Variants in HDAC9 observed in about 807,000 individuals in gnomAD.
The protein encoded by HDAC9 is MEF-2 interacting transcription repressor (MITR) protein.
HDAC9 carries 41 observed loss-of-function variants against 139.4 expected under a neutral mutation model. The observed-to-expected ratio is 0.29, with a 90% CI of 0.23 to 0.38. The LOEUF (loss-of-function observed/expected upper bound fraction) is 0.38. Ranked by LOEUF, HDAC9 falls within the 10% of genes least tolerant of loss-of-function variation. The pLI, the probability that HDAC9 is intolerant of heterozygous loss-of-function variation, is 1.00. For missense variants in HDAC9, 1,147 were observed against 1,297.0 expected (o/e 0.88, Z 1.78); for synonymous variants, 517 against 476.2 (o/e 1.09, Z -1.12).
rs373751114 is a variant in HDAC9 at position 18,465,849 on chromosome 7, T to C, written c.-41-30413T>C. Among the ~76,000 whole-genome samples, 6 of 152,224 alleles carry C rather than the reference T, an allele frequency of 3.9e-5. No homozygotes were observed. The East Asian group carries it at 1.2e-3, about 29-fold the overall frequency. ...TTATCCAGTGATGGACTCTCTTTCT[T>C]TTTCTAATGTGGAGATATATCTATT... On this transcript the variant is annotated intron_variant, in intron 1 of 3. Transcript: ENST00000413509.
intron 14 of HDAC9, among the ~76,000 whole-genome samples, chr7:18,761,411 A>G (rs562565436): frequency 3.9e-5 from 6 of 152,348 alleles, no homozygotes; most frequent in Non-Finnish European, 8.8e-5. Context: ...GTTTTTGTTT[A>G]ATTTCCAATC....
At chr7:18,375,875 C>G (rs1385272804) in intron 1 of HDAC9, among the ~76,000 whole-genome samples, 1 of 152,110 alleles carries the variant, frequency 6.6e-6, no homozygotes, top group East Asian at 1.9e-4. Flanking sequence ...GTCCCTAATG[C>G]TAATTCAGAT....
chr7:18,295,561 A>G (rs1798088922), intron 1 of HDAC9, among the ~76,000 whole-genome samples: 1 of 152,182 alleles, frequency 6.6e-6, no homozygotes, highest in East Asian at 1.9e-4. Flanking sequence ...TCTTACTTCT[A>G]TCTTTACATA....
intron 17 of HDAC9, among the ~76,000 whole-genome samples, chr7:18,805,089 G>A (rs183723527): frequency 2.0e-3 from 302 of 152,276 alleles, no homozygotes; most frequent in African/African-American, 6.5e-3. Context: ...GAGCCCCTGC[G>A]CCTGGCCCAG....
chr7:18,137,318 C>T (rs1314041287), intron 1 of HDAC9, among the ~76,000 whole-genome samples: 2 of 148,100 alleles, frequency 1.4e-5, no homozygotes, highest in Non-Finnish European at 3.0e-5. Context: ...CCTAATTGCC[C>T]TGGCCAGAAC....
rs1786251756 is a variant in HDAC9, at chr7:18,732,700, TGTATGTGTGCGTATGTGTACAC to T, written c.1909+4944_1909+4965del. ...GTGCGTATGTGTACACACACACACG[TGTATGTGTGCGTATGTGTACAC>T]ACACACACGTGTATGTGTGCGTATG... On this transcript the variant is annotated intron_variant, in intron 13 of 25. Coordinates refer to ENST00000686413, the MANE Select transcript of HDAC9 (RefSeq NM_178425.4). 3.0e-5 allele frequency among the ~76,000 whole-genome samples: 4 copies of T among 131,552 alleles called. 1 individual carries two copies. Among genetic ancestry groups the T allele is most frequent in the South Asian group, 2.3e-4 (1 of 4,256 alleles). 86.3% of individuals were successfully genotyped at this position (131,552 alleles called of 152,430 possible).
chr7:18,797,685 C>T (rs534911805), intron 17 of HDAC9, among the ~76,000 whole-genome samples: 2 of 152,032 alleles, frequency 1.3e-5, no homozygotes, highest in East Asian at 3.9e-4. Flanking sequence ...AAAAATTAGC[C>T]AGGTGTGTTG....
intron 25 of HDAC9, among the ~76,000 whole-genome samples, chr7:18,987,612 C>G (rs967036225): frequency 2.0e-5 from 3 of 152,234 alleles, no homozygotes; most frequent in Non-Finnish European, 4.4e-5. Context: ...CCCTCTTTTT[C>G]TATTGATTGG....
At chr7:18,675,806 G>A (rs1781466561) in intron 12 of HDAC9, among the ~76,000 whole-genome samples, 1 of 151,956 alleles carries the variant, frequency 6.6e-6, no homozygotes, top group African/African-American at 2.4e-5. Context: ...GACTTACAGG[G>A]AAGTTCTCAG....
chr7:18,518,287 A>G (rs947874513), intron 2 of HDAC9, among the ~76,000 whole-genome samples: 3 of 152,192 alleles, frequency 2.0e-5, no homozygotes, highest in Non-Finnish European at 4.4e-5. Context: ...TAACCCAGAA[A>G]GAGACTTGGA....
intron 2 of HDAC9, among the ~76,000 whole-genome samples, chr7:18,184,548 A>T (rs940436754): frequency 6.6e-6 from 1 of 152,190 alleles, no homozygotes; most frequent in Non-Finnish European, 1.5e-5. Context: ...CACGAAACAA[A>T]ATTTGTATAC....
intron 1 of HDAC9, among the ~76,000 whole-genome samples, chr7:18,457,098 CAGGATTCCTTGG>C (rs1793417461): frequency 6.6e-6 from 1 of 152,168 alleles, no homozygotes; most frequent in Non-Finnish European, 1.5e-5. Context: ...TTTCCATTCC[CAGGATTCCTTGG>C]AGATACTTGT....
chr7:18,662,806 G>T (rs574185688), intron 11 of HDAC9, among the ~76,000 whole-genome samples: 82 of 152,212 alleles, frequency 5.4e-4, no homozygotes, highest in African/African-American at 2.0e-3. Flanking sequence ...GTGGAATAGG[G>T]TTGCTAGGCA....
intron 13 of HDAC9, among the ~76,000 whole-genome samples, chr7:18,734,207 A>G (rs1210862083): frequency 6.6e-6 from 1 of 152,026 alleles, no homozygotes; most frequent in Non-Finnish European, 1.5e-5. Context: ...CATCATTATT[A>G]TATATTATAG....
At chr7:18,704,624 A>G (rs565860545) in intron 12 of HDAC9, among the ~76,000 whole-genome samples, 31 of 152,308 alleles carry the variant, frequency 2.0e-4, no homozygotes, top group African/African-American at 7.0e-4. Flanking sequence ...GACAAACATA[A>G]GATTTGGAGC....
intron 1 of HDAC9, among the ~76,000 whole-genome samples, chr7:18,440,278 AG>A (rs1369527661): frequency 3.4e-5 from 5 of 144,942 alleles, no homozygotes; most frequent in Non-Finnish European, 7.5e-5. Flanking sequence ...TCCGCCTCCC[AG>A]GTTAAAGTTA....
chr7:18,486,220 C>T (rs1415930737), intron 1 of HDAC9, among the ~76,000 whole-genome samples: 1 of 152,128 alleles, frequency 6.6e-6, no homozygotes, highest in Non-Finnish European at 1.5e-5. Flanking sequence ...AATTAAGTTT[C>T]CAACATATGA....
At chr7:18,703,886 A>C (rs1337655469) in intron 12 of HDAC9, among the ~76,000 whole-genome samples, 1 of 152,140 alleles carries the variant, frequency 6.6e-6, no homozygotes, top group Non-Finnish European at 1.5e-5. Context: ...ACACAGGCAC[A>C]CATTCAGTCC....
In HDAC9 at chr7:18,711,493, T is replaced by A. The variant is rs552854561; in HGVS notation, c.1732-16087T>A. Among the ~76,000 whole-genome samples, 118 of 152,330 alleles carry A rather than the reference T, an allele frequency of 7.7e-4. 1 individual carries two copies. The highest frequency in any genetic ancestry group is 2.7e-3 in the African/African-American group (111 of 41,584). On this transcript the variant is annotated intron_variant, in intron 12 of 25. Coordinates refer to ENST00000686413, the MANE Select transcript of HDAC9 (RefSeq NM_178425.4). ...AATAGTCCTAACACCATAATCAGTG[T>A]CTCTCAGGTACTTCCGGGTCTTCCT...
Sources: gnomAD v4.1 joint callset for allele counts (sites outside exome capture counted in the v4.1 genomes callset) on GRCh38, gnomAD v4.1.1 for gene constraint, MANE v1.5 for transcripts, NCBI Gene and HGNC (gene_info 2026-07-23, HGNC 2026-07-21) for gene names.